KNG1: variants seen among roughly 807,000 people sequenced by gnomAD.
KNG1 encodes the protein kininogen 1, also known as kininogen-1.
KNG1 carries 23 observed loss-of-function variants against 47.8 expected under a neutral mutation model. The ratio of observed to expected loss-of-function variants is 0.48; its 90% CI spans 0.35 to 0.68. The LOEUF is 0.68. Ranked by LOEUF, KNG1 falls within the 30% of genes least tolerant of loss-of-function variation. The probability of loss-of-function intolerance (pLI) is 0.01; values close to 1 mark genes in which losing one functional copy is unlikely to be tolerated. For synonymous variants in KNG1, 277 were observed against 277.0 expected (o/e 1.00, Z 0.00); for missense variants, 762 against 790.2 (o/e 0.96, Z 0.43).
At position 186,741,599 on chromosome 3, in the gene KNG1, T is replaced by G. The variant is rs1396347007; in HGVS notation, c.1203T>G (p.Thr401=). ...SRIGEIKEET[T]VSPPHTSMAP... ...TAGGGGAAATAAAAGAAGAAACAAC[T>G]GTAAGTCCACCCCACACTTCCATGG... The change falls in exon 10 of 10, where the codon ACT becomes ACG. Residue 401 remains threonine (T), a synonymous_variant. Coordinates refer to ENST00000644859, the MANE Select transcript of KNG1 (RefSeq NM_001102416.3). 2.5e-6 allele frequency: 4 copies of G among 1,611,154 alleles called. No homozygotes were observed. The African/African-American group carries it at 5.4e-5, about 22-fold the overall frequency.
Position 186,743,427 on chromosome 3 carries a change from G to A in KNG1, c.*1096G>A, listed in dbSNP as rs266760. ...TTTCATTGCCCTATAGTGCAAAGAA[G>A]GTATATGCTTTATAACCAATGTTGT... On this transcript the variant is annotated 3_prime_UTR_variant, in exon 10 of 10. Coordinates refer to ENST00000644859, the MANE Select transcript of KNG1 (RefSeq NM_001102416.3). 111,806 of 437,306 alleles carry A rather than the reference G, an allele frequency of 0.26. 15,407 individuals are homozygous for A. The highest frequency in any genetic ancestry group is 0.42 in the African/African-American group (21,061 of 49,818). 27.1% of individuals were successfully genotyped at this position (437,306 alleles called of 1,614,324 possible). A position where few individuals can be genotyped will look rare whatever the true frequency, so the allele number is the denominator to read the frequency against.
rs374359279 is a variant in KNG1 at position 186,725,116 on chromosome 3, C to T, written c.420C>T (p.Tyr140=). 58 of 1,613,966 alleles carry T rather than the reference C, an allele frequency of 3.6e-5. No homozygotes were observed. Among genetic ancestry groups the T allele is most frequent in the Non-Finnish European group, 4.0e-5 (47 of 1,180,010 alleles). The part of the protein sequence containing the change: ...PAEGPVVTAQ[Y]DCLGCVHPIS... Reference sequence around the variant, plus strand: ...AGGGCCCTGTGGTGACAGCCCAGTACGACTGCCTCGGCTGTGTGCATCCTA... The same window carrying T: ...AGGGCCCTGTGGTGACAGCCCAGTATGACTGCCTCGGCTGTGTGCATCCTA... Residue 140 remains tyrosine, a synonymous_variant, in exon 4 of 10, where the codon TAC becomes TAT. Transcript: ENST00000644859.
intron 1 of KNG1, 84 bp downstream of exon 1, chr3:186,717,821 C>T (rs1187418776): frequency 1.3e-5 from 12 of 906,692 alleles, no homozygotes; most frequent in African/African-American, 1.8e-5. Context: ...CACACACATA[C>T]CACCACCAGC....
At position 186,741,673 on chromosome 3, in the gene KNG1, C is replaced by T. The variant is rs757136526; in HGVS notation, c.1277C>T (p.Thr426Ile). ...GATTCAGGAAAAGAACAAGGGCATA[C>T]TCGTAGACATGACTGGGGCCATGAA... Reference protein sequence around the residue: ...ERDSGKEQGHTRRHDWGHEKQ... With the variant: ...ERDSGKEQGHIRRHDWGHEKQ... The change falls in exon 10 of 10, where the codon ACT (threonine) becomes ATT (isoleucine). Residue 426 changes from threonine (T) to isoleucine (I), a missense_variant. Thr to Ile is a moderately conservative substitution (Grantham distance 89). Coordinates refer to ENST00000644859, the MANE Select transcript of KNG1 (RefSeq NM_001102416.3). 6.2e-7 allele frequency: 1 copy of T among 1,614,234 alleles called. No homozygotes were observed. Among genetic ancestry groups the T allele is most frequent in the Non-Finnish European group, 8.5e-7 (1 of 1,180,046 alleles).
Position 186,743,534 on chromosome 3 carries a change from T to C in KNG1, c.*1203T>C, listed in dbSNP as rs1720867573. On this transcript the variant is annotated 3_prime_UTR_variant, in exon 10 of 10. Transcript: ENST00000644859. ...TATATGTCACTGCTGCTTCAAGTTA[T>C]TGGATGCATTTGAACCTCTGAGTTT... 2 of 623,034 alleles carry C rather than the reference T, an allele frequency of 3.2e-6. No individual in the cohort carries two copies. Among genetic ancestry groups the C allele is most frequent in the Admixed American group, 2.5e-5 (1 of 40,140 alleles). The allele number at this position is 623,034 out of a possible 1,614,324, so 38.6% of individuals were successfully genotyped here.
chr3:186,725,666 T>C (rs1373664580), intron 4 of KNG1, among the ~76,000 whole-genome samples: 2 of 149,848 alleles, frequency 1.3e-5, no homozygotes, highest in South Asian at 4.3e-4. Context: ...TGCCTCAGCC[T>C]CCTGAGTAGC....
chr3:186,727,326 C>A lies in KNG1; in HGVS notation c.654C>A (p.Cys218Ter), dbSNP rs771318544. 1 of 1,610,848 alleles carries A rather than the reference C, an allele frequency of 6.2e-7. No homozygotes were observed. Among genetic ancestry groups the A allele is most frequent in the South Asian group, 1.1e-5 (1 of 91,008 alleles). ...ATTTTCTGTTCTTAACTCCAGACTG[C>A]AAGTCCCTTTGGAATGGTGTAAGTA... ...KENFLFLTPD[C>*]KSLWNGDTGE... is the part of the protein sequence containing the mutation. The change falls in exon 5 of 10, where the codon TGC (cysteine) becomes TGA (stop). Residue 218 changes from cysteine (C) to a stop codon, truncating the protein, a stop_gained. Coordinates refer to ENST00000644859, the MANE Select transcript of KNG1 (RefSeq NM_001102416.3). LOFTEE classifies it high-confidence loss of function.
chr3:186,739,515 C>G (rs554355646), intron 9 of KNG1, 101 bp downstream of exon 9: 1 of 822,156 alleles, frequency 1.2e-6, no homozygotes, highest in East Asian at 2.5e-5. Context: ...AATTGGGGAG[C>G]TATCTTTTTT....
intron 4 of KNG1, among the ~76,000 whole-genome samples, chr3:186,726,281 T>TG (rs1032981489): frequency 1.1e-5 from 1 of 91,644 alleles, no homozygotes; most frequent in African/African-American, 4.4e-5. Flanking sequence ...CTTCTTTTTT[T>TG]TTTTTTTTTT....
At chr3:186,726,179 C>T (rs967307757) in intron 4 of KNG1, among the ~76,000 whole-genome samples, 1 of 152,092 alleles carries the variant, frequency 6.6e-6, no homozygotes, top group African/African-American at 2.4e-5. Flanking sequence ...AGTCATCCTC[C>T]CACCTCGGCC....
At position 186,739,319 on chromosome 3, in the gene KNG1, C is replaced by A; in HGVS notation, c.1039-9C>A. 5 of 1,612,002 alleles carry A rather than the reference C, an allele frequency of 3.1e-6. No individual in the cohort carries two copies. The highest frequency in any genetic ancestry group is 4.2e-6 in the Non-Finnish European group (5 of 1,178,090). On this transcript the variant is annotated splice_polypyrimidine_tract_variant and intron_variant, in intron 8 of 9. Coordinates refer to ENST00000644859, the MANE Select transcript of KNG1 (RefSeq NM_001102416.3). ...CTGTCTCTCTTTCGACTTCTGTTTT[C>A]ATGGATAGCAAAGCCTAGATTGCAA...
chr3:186,719,462 C>T (rs189889334), intron 1 of KNG1, among the ~76,000 whole-genome samples: 20 of 152,090 alleles, frequency 1.3e-4, no homozygotes, highest in African/African-American at 4.8e-4. Context: ...TTGCTTGGGC[C>T]GGGCGCGGTG....
intron 6 of KNG1, among the ~76,000 whole-genome samples, chr3:186,731,865 C>T (rs1375592668): frequency 6.6e-6 from 1 of 152,192 alleles, no homozygotes; most frequent in African/African-American, 2.4e-5. Flanking sequence ...AAATGTATGA[C>T]CCCTGGGCAA....
rs1720881668 is a variant in KNG1 at position 186,744,104 on chromosome 3, C to T, written c.*1773C>T. Reference sequence around the variant, plus strand: ...GAAGTCCTTAGGCGGGACTTCCTTACCACCACGGGTGCTAAAAGAAGAGTT... The same window carrying T: ...GAAGTCCTTAGGCGGGACTTCCTTATCACCACGGGTGCTAAAAGAAGAGTT... On this transcript the variant is annotated 3_prime_UTR_variant, in exon 10 of 10. Coordinates refer to ENST00000644859, the MANE Select transcript of KNG1 (RefSeq NM_001102416.3). 2.5e-6 allele frequency: 1 copy of T among 393,742 alleles called. No homozygotes were observed. The highest frequency in any genetic ancestry group is 2.0e-5 in the African/African-American group (1 of 49,314). The allele number at this position is 393,742 out of a possible 1,614,324, so 24.4% of individuals were successfully genotyped here.
Position 186,717,694 on chromosome 3 carries a change from A to C in KNG1, c.152A>C (p.Asn51Thr), listed in dbSNP as rs1407418427. 3 of 1,613,062 alleles carry C rather than the reference A, an allele frequency of 1.9e-6. No individual in the cohort carries two copies. In the African/African-American group the frequency reaches 4.0e-5, roughly 22 times the overall value. ...AAATATAACAGTCAAAACCAAAGTA[A>C]CAACCAGTTTGTATTGTACCGCATA... Reference protein sequence around the residue: ...LKKYNSQNQSNNQFVLYRITE... With the variant: ...LKKYNSQNQSTNQFVLYRITE... Residue 51 changes from asparagine to threonine, a missense_variant, in exon 1 of 10, where the codon AAC (asparagine) becomes ACC (threonine). Transcript: ENST00000644859.
intron 7 of KNG1, among the ~76,000 whole-genome samples, chr3:186,737,307 T>C (rs1260511677): frequency 2.0e-5 from 3 of 152,194 alleles, no homozygotes; most frequent in African/African-American, 4.8e-5. Flanking sequence ...ATGGCTTTTG[T>C]CCATTTTTAG....
chr3:186,732,120 C>T (rs888978897), intron 6 of KNG1, among the ~76,000 whole-genome samples: 1 of 152,128 alleles, frequency 6.6e-6, no homozygotes, highest in Non-Finnish European at 1.5e-5. Flanking sequence ...CGTTTGTATG[C>T]GTTCCATGAG....
In KNG1 at chr3:186,742,134, C is replaced by T; in HGVS notation, c.1738C>T (p.Pro580Ser). Reference sequence around the variant, plus strand: ...TATGATGCCTCCTATATCACCAGCTCCCATACAGAGTGATGACGATTGGAT... The same window carrying T: ...TATGATGCCTCCTATATCACCAGCTTCCATACAGAGTGATGACGATTGGAT... ...ATMMPPISPA[P>S]IQSDDDWIPD... Residue 580 changes from proline to serine, a missense_variant, in exon 10 of 10, where the codon CCC becomes TCC. Transcript: ENST00000644859. 1 of 1,614,084 alleles carries T rather than the reference C, an allele frequency of 6.2e-7. No individual in the cohort carries two copies. The highest frequency in any genetic ancestry group is 8.5e-7 in the Non-Finnish European group (1 of 1,180,014).
chr3:186,743,772 G>C lies in KNG1; in HGVS notation c.*1441G>C. ...GCAGGGGCAGAGCCAGCATCTGAGA[G>C]GGAGGTCTCTTGACCAATGGGCAGA... On this transcript the variant is annotated 3_prime_UTR_variant, in exon 10 of 10. Transcript: ENST00000644859. The C allele has an allele frequency of 1.2e-6, 2 of 1,613,958 alleles. No homozygotes were observed. Among genetic ancestry groups the C allele is most frequent in the Admixed American group, 3.3e-5 (2 of 60,022 alleles).
Sources: gnomAD v4.1 joint callset for allele counts (sites outside exome capture counted in the v4.1 genomes callset) on GRCh38, gnomAD v4.1.1 for gene constraint, MANE v1.5 for transcripts, NCBI Gene and HGNC (gene_info 2026-07-23, HGNC 2026-07-21) for gene names.